The following CLASP1 variants were observed in gnomAD, a reference collection of about 807,000 sequenced individuals.
CLASP1 encodes the protein cytoplasmic linker associated protein 1.
Under a neutral mutation model 192.3 loss-of-function variants are expected in CLASP1, and 38 were observed. That is an observed-to-expected ratio of 0.20 (90% CI 0.15 to 0.26). CLASP1 has a LOEUF of 0.26. Among genes scored for constraint, CLASP1 ranks in the 10% least tolerant of loss-of-function variants. The pLI is 1.00. For missense variants in CLASP1, 1,433 were observed against 1,932.5 expected, an observed-to-expected ratio of 0.74 and a Z score of 4.85; for synonymous variants, 691 against 712.8, an observed-to-expected ratio of 0.97 and a Z score of 0.49.
chr2:121,517,726 G>C (rs949677138), intron 6 of CLASP1, among the ~76,000 whole-genome samples: 1 of 151,918 alleles, frequency 6.6e-6, no homozygotes, highest in Non-Finnish European at 1.5e-5. Context: ...GGGCCAGTTG[G>C]TACTCAGCTA....
At chr2:121,493,195 A>G (rs2093393100) in intron 8 of CLASP1, among the ~76,000 whole-genome samples, 1 of 152,208 alleles carries the variant, frequency 6.6e-6, no homozygotes, top group African/African-American at 2.4e-5. Context: ...AAGTCATCCT[A>G]AGCAAAAAGA....
chr2:121,459,870 T>C (rs2087528898), intron 12 of CLASP1, 110 bp downstream of exon 12: 3 of 978,946 alleles, frequency 3.1e-6, no homozygotes, highest in Non-Finnish European at 4.3e-6. Context: ...TCTTGGAGAC[T>C]AGTCAGAAGT....
chr2:121,385,888 A>C (rs1404024390), intron 32 of CLASP1, among the ~76,000 whole-genome samples: 1 of 152,214 alleles, frequency 6.6e-6, no homozygotes, highest in African/African-American at 2.4e-5. Context: ...TCTGGCCTCA[A>C]TTATTTAATT....
At chr2:121,596,648 CA>C (rs2105817625) in intron 2 of CLASP1, among the ~76,000 whole-genome samples, 1 of 152,266 alleles carries the variant, frequency 6.6e-6, no homozygotes, top group Non-Finnish European at 1.5e-5. Context: ...AAGTGCTAAC[CA>C]GAAAGGGAGA....
chr2:121,499,018 G>T (rs2093641123), intron 8 of CLASP1, among the ~76,000 whole-genome samples: 1 of 152,192 alleles, frequency 6.6e-6, no homozygotes, highest in African/African-American at 2.4e-5. Context: ...TGTTTACTGT[G>T]TTTGAGCAGT....
intron 1 of CLASP1, among the ~76,000 whole-genome samples, chr2:121,629,522 G>A (rs1406937764): frequency 6.6e-6 from 1 of 151,796 alleles, no homozygotes; most frequent in Non-Finnish European, 1.5e-5. Flanking sequence ...CGGGAGCGGT[G>A]GCTCACGCCG....
At chr2:121,596,475 C>A (rs2063155171) in intron 2 of CLASP1, among the ~76,000 whole-genome samples, 1 of 152,160 alleles carries the variant, frequency 6.6e-6, no homozygotes, top group African/African-American at 2.4e-5. Flanking sequence ...AAATAAAAAC[C>A]TCGATGAAAG....
chr2:121,478,784 CCACACACACCACACACCACACA>C (rs2092106308), intron 8 of CLASP1, among the ~76,000 whole-genome samples: 3 of 29,608 alleles, frequency 1.0e-4, no homozygotes, highest in South Asian at 1.0e-3. Context: ...CACACACACC[CCACACACACCACACACCACACA>C]CACACCCCAC....
rs1022017196 is a variant in CLASP1 at position 121,459,153 on chromosome 2, T to TG, written c.1179-179_1179-178insC. ...GTTCTTAGCCCAAAAGTTTTGTTGT[T>TG]TTTTTTTTTAAAAAAAAACATTTCC... On this transcript the variant is annotated intron_variant, in intron 12 of 39. Transcript: ENST00000263710. 1.3e-3 allele frequency among the ~76,000 whole-genome samples: 194 copies of TG among 150,936 alleles called. 3 individuals carry two copies. Among genetic ancestry groups the TG allele is most frequent in the East Asian group, 1.8e-3 (9 of 5,122 alleles).
rs193167243 is a variant in CLASP1 at position 121,468,958 on chromosome 2, G to A, written c.865+850C>T. Among the ~76,000 whole-genome samples, 306 of 152,262 alleles carry A rather than the reference G, an allele frequency of 2.0e-3. 1 individual carries two copies. The highest frequency in any genetic ancestry group is 7.1e-3 in the African/African-American group (293 of 41,552). ...GGCTTTTTGAGTTTTCAGCGCTTTT[G>A]TGTTGATTCTTTCTCATCTTTGTGG... On this transcript the variant is annotated intron_variant, in intron 9 of 39. Coordinates refer to ENST00000263710, the Ensembl canonical transcript of CLASP1.
At position 121,456,529 on chromosome 2, in the gene CLASP1, A is replaced by G. The variant is rs2086700312; in HGVS notation, c.1385+1158T>C. ...AAGGAAGGAAGGAAAGGAAAAAGGA[A>G]AGAAAAGGAAAAAAAGGAAGAAAAA... On this transcript the variant is annotated intron_variant, in intron 14 of 39. Coordinates refer to ENST00000263710, the Ensembl canonical transcript of CLASP1. 3.3e-5 allele frequency among the ~76,000 whole-genome samples: 5 copies of G among 151,640 alleles called. 1 individual carries two copies. The South Asian group carries it at 1.0e-3, about 32-fold the overall frequency.
At chr2:121,592,613 A>T (rs1233402953) in intron 2 of CLASP1, among the ~76,000 whole-genome samples, 1 of 152,102 alleles carries the variant, frequency 6.6e-6, no homozygotes, top group Non-Finnish European at 1.5e-5. Context: ...CTAGAAAATC[A>T]CCCTTTGGCA....
intron 2 of CLASP1, among the ~76,000 whole-genome samples, chr2:121,573,158 C>G (rs910946163): frequency 8.5e-5 from 13 of 152,098 alleles, no homozygotes; most frequent in African/African-American, 3.1e-4. Context: ...TGGGGTTTTG[C>G]CATGTTGCCC....
intron 2 of CLASP1, chr2:121,531,104 G>A (rs1011122997): frequency 6.2e-6 from 4 of 646,606 alleles, no homozygotes; most frequent in East Asian, 2.7e-5. Flanking sequence ...TGCACAAGAC[G>A]CGTGGTTTTA....
At chr2:121,560,631 G>A (rs1170446066) in intron 2 of CLASP1, among the ~76,000 whole-genome samples, 2 of 152,168 alleles carry the variant, frequency 1.3e-5, no homozygotes, top group Non-Finnish European at 1.5e-5. Context: ...TCCACCTCTA[G>A]GAATAAGGGG....
intron 34 of CLASP1, among the ~76,000 whole-genome samples, chr2:121,368,964 G>A (rs2068024987): frequency 6.6e-6 from 1 of 152,000 alleles, no homozygotes; most frequent in African/African-American, 2.4e-5. Context: ...CAAAAACCCT[G>A]CATCCTCATC....
intron 19 of CLASP1, among the ~76,000 whole-genome samples, chr2:121,440,506 C>T (rs983019537): frequency 6.6e-6 from 1 of 152,148 alleles, no homozygotes; most frequent in African/African-American, 2.4e-5. Context: ...TCGAGACCAT[C>T]CTGGGCAACA....
chr2:121,504,187 G>A (rs377720523), intron 7 of CLASP1, among the ~76,000 whole-genome samples: 3 of 151,380 alleles, frequency 2.0e-5, no homozygotes, highest in South Asian at 4.2e-4. Context: ...AGCCGAGACC[G>A]TGCCACTGCA....
At chr2:121,438,049 G>C (rs987223263) in intron 19 of CLASP1, among the ~76,000 whole-genome samples, 1 of 152,188 alleles carries the variant, frequency 6.6e-6, no homozygotes, top group African/African-American at 2.4e-5. Context: ...GGTACATTCT[G>C]TTTTTATTCT....
Sources: gnomAD v4.1 joint callset for allele counts (sites outside exome capture counted in the v4.1 genomes callset) on GRCh38, gnomAD v4.1.1 for gene constraint, MANE v1.5 for transcripts, NCBI Gene and HGNC (gene_info 2026-07-23, HGNC 2026-07-21) for gene names.